Variants in CCDC102B observed in about 807,000 individuals in gnomAD.
The protein encoded by CCDC102B is coiled-coil domain-containing protein 102B.
In CCDC102B, 75 loss-of-function variants were observed where a neutral mutation model predicts 57.4. The observed-to-expected ratio is 1.31, with a 90% CI of 1.08 to 1.58. The LOEUF (loss-of-function observed/expected upper bound fraction) is 1.58, where lower values mean the gene tolerates loss of function less well. Among genes scored for constraint, CCDC102B ranks in the 40% most tolerant of loss-of-function variants. The pLI, the probability that CCDC102B is intolerant of heterozygous loss-of-function variation, is 0.00. For synonymous variants in CCDC102B, 206 were observed against 201.9 expected (o/e 1.02, Z -0.17); for missense variants, 636 against 582.6 (o/e 1.09, Z -0.94).
intron 2 of CCDC102B, among the ~76,000 whole-genome samples, chr18:68,779,645 G>T (rs1465855484): frequency 6.6e-6 from 1 of 151,980 alleles, no homozygotes; most frequent in Non-Finnish European, 1.5e-5. Flanking sequence ...AATCAAAAAT[G>T]TTTGGAGACC....
chr18:69,049,611 G>A (rs549151186), intron 7 of CCDC102B, among the ~76,000 whole-genome samples: 1 of 152,208 alleles, frequency 6.6e-6, no homozygotes, highest in Admixed American at 6.6e-5. Flanking sequence ...GGAAGCCCCA[G>A]TAAGGCCAAG....
intron 3 of CCDC102B, 37 bp from the exon 4 acceptor site, chr18:68,846,276 A>G (rs183018793): frequency 1.5e-6 from 2 of 1,335,780 alleles, no homozygotes; most frequent in Non-Finnish European, 2.0e-6. Flanking sequence ...TTAAAATTGA[A>G]GCCGACTTTT....
chr18:68,730,324 T>G (rs2032800819), intron 2 of CCDC102B, among the ~76,000 whole-genome samples: 2 of 152,160 alleles, frequency 1.3e-5, no homozygotes, highest in Non-Finnish European at 2.9e-5. Flanking sequence ...AAATTCTATA[T>G]TTACTTCTAA....
intron 7 of CCDC102B, among the ~76,000 whole-genome samples, chr18:69,024,299 T>C (rs944662564): frequency 9.9e-5 from 15 of 152,078 alleles, no homozygotes; most frequent in African/African-American, 3.4e-4. Flanking sequence ...AGTGCAATCA[T>C]TTTTGGAGGC....
At chr18:69,029,661 CTACTTTAA>C (rs1321614412) in intron 7 of CCDC102B, among the ~76,000 whole-genome samples, 4 of 152,154 alleles carry the variant, frequency 2.6e-5, no homozygotes, top group Non-Finnish European at 5.9e-5. Flanking sequence ...AAGGTCAAAA[CTACTTTAA>C]TAACCATTTT....
chr18:68,886,546 A>G (rs1390622915), intron 5 of CCDC102B, among the ~76,000 whole-genome samples: 1 of 152,160 alleles, frequency 6.6e-6, no homozygotes, highest in East Asian at 1.9e-4. Flanking sequence ...TTTAGGCTTA[A>G]AAAGATTCTT....
chr18:68,982,984 T>C (rs1327351272), intron 6 of CCDC102B, among the ~76,000 whole-genome samples: 1 of 151,910 alleles, frequency 6.6e-6, no homozygotes, highest in African/African-American at 2.4e-5. Context: ...CAGGTTAGCA[T>C]CACAAACCAC....
At chr18:68,765,334 A>AAAGG (rs2034412492) in intron 2 of CCDC102B, among the ~76,000 whole-genome samples, 1 of 106,082 alleles carries the variant, frequency 9.4e-6, no homozygotes, top group African/African-American at 3.4e-5. Flanking sequence ...GGAAAGAAAG[A>AAAGG]AAGAAAGAAA....
At chr18:68,762,860 A>G (rs780997940) in intron 2 of CCDC102B, among the ~76,000 whole-genome samples, 2 of 152,072 alleles carry the variant, frequency 1.3e-5, no homozygotes, top group Admixed American at 6.6e-5. Flanking sequence ...ATTCTGATTG[A>G]CGGCAGTTGG....
intron 4 of CCDC102B, among the ~76,000 whole-genome samples, chr18:68,848,471 C>G (rs1241040499): frequency 6.6e-6 from 1 of 151,862 alleles, no homozygotes. Flanking sequence ...CTTAATAGAC[C>G]TAGAATTGTA....
intron 4 of CCDC102B, among the ~76,000 whole-genome samples, chr18:68,867,285 C>T (rs1479718187): frequency 6.6e-6 from 1 of 152,162 alleles, no homozygotes. Context: ...CCACCGCGCC[C>T]GGCCTTCCCC....
intron 1 of CCDC102B, among the ~76,000 whole-genome samples, chr18:68,802,406 T>C (rs2035887058): frequency 2.0e-5 from 3 of 152,208 alleles, no homozygotes. Flanking sequence ...GTGCTACAAG[T>C]GCCCTCTAAA....
chr18:68,799,850 G>A (rs1487828560), intron 1 of CCDC102B, among the ~76,000 whole-genome samples: 3 of 152,116 alleles, frequency 2.0e-5, no homozygotes, highest in African/African-American at 7.2e-5. Flanking sequence ...AGTATCAGAC[G>A]TTGTACTCAA....
chr18:68,790,096 G>T lies in CCDC102B; in HGVS notation c.-66-33270G>T, dbSNP rs1267134533. 9.4e-5 allele frequency among the ~76,000 whole-genome samples: 14 copies of T among 149,018 alleles called. 2 individuals carry two copies. The highest frequency in any genetic ancestry group is 1.8e-4 in the African/African-American group (7 of 39,086). ...CTGTTGGAATACCCTGCCATGTGAGGTGTCAGTCTGCCCCTGCTGGGGGGT... is the reference window on the plus strand; with the variant it reads ...CTGTTGGAATACCCTGCCATGTGAGTTGTCAGTCTGCCCCTGCTGGGGGGT... On this transcript the variant is annotated intron_variant, in intron 2 of 3. Coordinates refer to the CCDC102B transcript ENST00000578970.
intron 5 of CCDC102B, among the ~76,000 whole-genome samples, chr18:68,882,325 C>T (rs370800956): frequency 1.3e-5 from 2 of 152,272 alleles, no homozygotes; most frequent in East Asian, 1.9e-4. Flanking sequence ...GTTCCTTCTC[C>T]TAAGGAAGTC....
intron 6 of CCDC102B, among the ~76,000 whole-genome samples, chr18:68,970,890 A>G (rs1432019172): frequency 6.6e-6 from 1 of 151,976 alleles, no homozygotes. Context: ...TACTGTAAGC[A>G]TGAGTTTCAT....
intron 6 of CCDC102B, among the ~76,000 whole-genome samples, chr18:68,957,499 T>A (rs539986983): frequency 5.9e-5 from 9 of 152,114 alleles, no homozygotes; most frequent in African/African-American, 1.7e-4. Context: ...AGTACTGTAG[T>A]ATTTTAGTTA....
chr18:68,852,049 C>T (rs1031381602), intron 4 of CCDC102B, among the ~76,000 whole-genome samples: 6 of 152,102 alleles, frequency 3.9e-5, no homozygotes, highest in African/African-American at 1.4e-4. Flanking sequence ...GTCATTTTAC[C>T]TAGAAGACCA....
chr18:68,839,120 T>G, intron 3 of CCDC102B, 194 bp downstream of exon 3: 1 of 587,632 alleles, frequency 1.7e-6, no homozygotes, highest in Non-Finnish European at 3.0e-6. Context: ...TGTTAGTGTT[T>G]TCCATTCTTT....
Sources: gnomAD v4.1 joint callset for allele counts (sites outside exome capture counted in the v4.1 genomes callset) on GRCh38, gnomAD v4.1.1 for gene constraint, MANE v1.5 for transcripts, NCBI Gene and HGNC (gene_info 2026-07-23, HGNC 2026-07-21) for gene names.